The following EXOC6B variants were observed in gnomAD, a reference collection of about 807,000 sequenced individuals.
EXOC6B encodes the protein SEC15 homolog B.
In EXOC6B, 54 loss-of-function variants were observed where a neutral mutation model predicts 113.5. The observed-to-expected ratio is 0.48, with a 90% CI of 0.38 to 0.60. The LOEUF (loss-of-function observed/expected upper bound fraction) is 0.60, where lower values mean the gene tolerates loss of function less well. Among genes scored for constraint, EXOC6B ranks in the 20% least tolerant of loss-of-function variants. EXOC6B has a pLI of 0.00. For missense variants in EXOC6B, 797 were observed against 977.5 expected (o/e 0.82, Z 2.46); for synonymous variants, 357 against 339.0 (o/e 1.05, Z -0.58).
At chr2:72,541,370 TC>T (rs2105790421) in intron 8 of EXOC6B, among the ~76,000 whole-genome samples, 1 of 152,282 alleles carries the variant, frequency 6.6e-6, no homozygotes, top group African/African-American at 2.4e-5. Flanking sequence ...AACATTCCTT[TC>T]TTCCTCCCCT....
chr2:72,364,546 C>T (rs1572973296), intron 19 of EXOC6B, among the ~76,000 whole-genome samples: 1 of 152,070 alleles, frequency 6.6e-6, no homozygotes, highest in East Asian at 1.9e-4. Context: ...GGTTAACAAA[C>T]TCTGTTGTGT....
rs565641241 is a variant in EXOC6B, at chr2:72,474,335, T to A, written c.1800+6281A>T. 2.2e-4 allele frequency among the ~76,000 whole-genome samples: 33 copies of A among 152,296 alleles called. 1 individual carries two copies. Among genetic ancestry groups the A allele is most frequent in the African/African-American group, 7.0e-4 (29 of 41,580 alleles). On this transcript the variant is annotated intron_variant, in intron 17 of 21. Transcript: ENST00000272427. ...TCATTGGACTTGAGAAATTTTCATC[T>A]CTTACTGCATTAAGTAAGTTTTCCA... is the stretch of plus-strand genomic sequence containing the variant.
intron 17 of EXOC6B, among the ~76,000 whole-genome samples, chr2:72,480,144 C>T (rs1232115776): frequency 2.6e-5 from 4 of 151,182 alleles, no homozygotes; most frequent in East Asian, 3.9e-4. Flanking sequence ...ACAGGGGTTG[C>T]GGTGAGCCAA....
At chr2:72,270,158 C>A (rs996537151) in intron 20 of EXOC6B, among the ~76,000 whole-genome samples, 1 of 152,098 alleles carries the variant, frequency 6.6e-6, no homozygotes, top group Non-Finnish European at 1.5e-5. Flanking sequence ...TGGACGACTG[C>A]TCCCTCCAAA....
intron 18 of EXOC6B, among the ~76,000 whole-genome samples, chr2:72,380,955 C>T (rs1276121715): frequency 6.6e-6 from 1 of 151,946 alleles, no homozygotes; most frequent in Non-Finnish European, 1.5e-5. Flanking sequence ...TTTGAAATAA[C>T]AAAATATTTC....
At chr2:72,515,326 A>T (rs1701157637) in intron 8 of EXOC6B, 200 bp from the exon 9 acceptor site, 1 of 892,736 alleles carries the variant, frequency 1.1e-6, no homozygotes, top group Non-Finnish European at 1.6e-6. Flanking sequence ...ACCTGTAAGG[A>T]TGTGTACAAA....
At chr2:72,534,420 G>A (rs1399575617) in intron 8 of EXOC6B, among the ~76,000 whole-genome samples, 1 of 152,008 alleles carries the variant, frequency 6.6e-6, no homozygotes, top group Non-Finnish European at 1.5e-5. Context: ...GAAGAAGAGT[G>A]AAATAATCTA....
At chr2:72,806,293 TC>T (rs1461794996) in intron 1 of EXOC6B, among the ~76,000 whole-genome samples, 6 of 152,320 alleles carry the variant, frequency 3.9e-5, no homozygotes, top group Admixed American at 3.9e-4. Context: ...GGTTTCCTGT[TC>T]CTGTGTTAAT....
At chr2:72,193,353 C>G (rs1260901216) in intron 20 of EXOC6B, among the ~76,000 whole-genome samples, 1 of 152,178 alleles carries the variant, frequency 6.6e-6, no homozygotes, top group African/African-American at 2.4e-5. Flanking sequence ...CTCCAACTCC[C>G]TGTCTCTGGT....
chr2:72,196,180 T>G (rs1235780925), intron 20 of EXOC6B, among the ~76,000 whole-genome samples: 1 of 152,208 alleles, frequency 6.6e-6, no homozygotes. Flanking sequence ...AAATTCATAA[T>G]GAAAATGATT....
intron 18 of EXOC6B, among the ~76,000 whole-genome samples, chr2:72,405,354 C>T (rs895488142): frequency 6.6e-6 from 1 of 152,094 alleles, no homozygotes; most frequent in Non-Finnish European, 1.5e-5. Context: ...ACAGAGAACG[C>T]CACAAAGATA....
At chr2:72,413,688 GAAAAAA>G (rs779663149) in intron 18 of EXOC6B, among the ~76,000 whole-genome samples, 8 of 108,274 alleles carry the variant, frequency 7.4e-5, no homozygotes, top group African/African-American at 2.6e-4. Context: ...CCTCAAAAAA[GAAAAAA>G]AAAAAAAGAA....
At chr2:72,653,062 C>A (rs1573561239) in intron 6 of EXOC6B, among the ~76,000 whole-genome samples, 1 of 151,768 alleles carries the variant, frequency 6.6e-6, no homozygotes, top group African/African-American at 2.4e-5. Context: ...TATGTTAGAG[C>A]AGGAAAATAC....
chr2:72,288,899 G>T, intron 20 of EXOC6B: 1 of 224,590 alleles, frequency 4.5e-6, no homozygotes, highest in South Asian at 7.0e-5. Flanking sequence ...GAAAATCACA[G>T]AGCTGGGAAA....
At chr2:72,791,638 C>T (rs1431737866) in intron 1 of EXOC6B, among the ~76,000 whole-genome samples, 1 of 152,090 alleles carries the variant, frequency 6.6e-6, no homozygotes, top group Non-Finnish European at 1.5e-5. Flanking sequence ...CACATAAATG[C>T]TTATTAACAA....
At chr2:72,267,519 G>A (rs1268595591) in intron 20 of EXOC6B, among the ~76,000 whole-genome samples, 1 of 152,078 alleles carries the variant, frequency 6.6e-6, no homozygotes, top group Non-Finnish European at 1.5e-5. Context: ...ATAATCATGT[G>A]GTTTTTGTCA....
chr2:72,677,287 T>A (rs1328288183), intron 6 of EXOC6B, among the ~76,000 whole-genome samples: 1 of 152,016 alleles, frequency 6.6e-6, no homozygotes, highest in East Asian at 1.9e-4. Flanking sequence ...ATCCAGCACT[T>A]CAGGAGGCCA....
intron 18 of EXOC6B, among the ~76,000 whole-genome samples, chr2:72,425,809 T>C (rs1211772117): frequency 1.3e-5 from 2 of 152,214 alleles, no homozygotes; most frequent in Non-Finnish European, 2.9e-5. Context: ...ATAAAAGCTA[T>C]AATTTCTTAC....
At chr2:72,367,367 C>A (rs113989604) in intron 19 of EXOC6B, among the ~76,000 whole-genome samples, 3 of 150,320 alleles carry the variant, frequency 2.0e-5, no homozygotes, top group Non-Finnish European at 4.4e-5. Context: ...GAAAAATGAA[C>A]AAAGTATGAA....
Sources: allele counts gnomAD v4.1 joint callset (sites outside exome capture counted in the v4.1 genomes callset), GRCh38; gene constraint gnomAD v4.1.1; transcripts MANE v1.5; gene names NCBI Gene and HGNC (gene_info 2026-07-23, HGNC 2026-07-21).